Variants in PITRM1 observed in about 807,000 individuals in gnomAD.
PITRM1 encodes pitrilysin metallopeptidase 1.
Under a neutral mutation model 129.9 loss-of-function variants are expected in PITRM1, and 100 were observed. The ratio of observed to expected loss-of-function variants is 0.77; its 90% CI spans 0.65 to 0.91. PITRM1 has a LOEUF of 0.91. Ranked by LOEUF, PITRM1 falls within the 40% of genes least tolerant of loss-of-function variation. The pLI is 0.00. For synonymous variants in PITRM1, 591 were observed against 508.8 expected, an observed-to-expected ratio of 1.16 and a Z score of -2.17; for missense variants, 1,471 against 1,318.3, an observed-to-expected ratio of 1.12 and a Z score of -1.79.
chr10:3,138,032 C>A lies in PITRM1; in HGVS notation c.3113G>T (p.Ter1038LeuextTer18). ...TGTGCAGTCGAGCGCCACGGCTGCT[C>A]ATTGGATGATCCAGGATGGGTCCTT... The part of the protein sequence containing the change: ...IAKDPSWIIQ[*>L] Residue 1038 changes from the stop codon to leucine, a stop_lost, in exon 27 of 27, where the codon TGA becomes TTA. Transcript: ENST00000224949. The A allele has an allele frequency of 6.3e-7, 1 of 1,594,794 alleles. No homozygotes were observed. The highest frequency in any genetic ancestry group is 1.1e-5 in the South Asian group (1 of 88,438).
intron 20 of PITRM1, chr10:3,146,459 C>G (rs943444028): frequency 6.6e-6 from 1 of 152,328 alleles, no homozygotes; most frequent in Non-Finnish European, 1.5e-5. Context: ...CGCCTGGGAG[C>G]GAGTGTGAGT....
At chr10:3,161,991 C>T (rs1588701749) in intron 7 of PITRM1, among the ~76,000 whole-genome samples, 1 of 150,506 alleles carries the variant, frequency 6.6e-6, no homozygotes. Flanking sequence ...GGCAACATGG[C>T]GAGACTCTGT....
intron 25 of PITRM1, 29 bp from the exon 26 acceptor site, chr10:3,138,366 G>A: frequency 6.6e-7 from 1 of 1,515,622 alleles, no homozygotes; most frequent in Non-Finnish European, 9.2e-7. Flanking sequence ...GCACGATGGA[G>A]CCGCTGCCCG....
intron 25 of PITRM1, 127 bp downstream of exon 25, chr10:3,138,777 C>G (rs151060418): frequency 1.1e-6 from 1 of 889,974 alleles, no homozygotes; most frequent in African/African-American, 1.6e-5. Flanking sequence ...ACGTGGAAAT[C>G]GTATCACAAG....
rs554033882 is a variant in PITRM1 at position 3,148,312 on chromosome 10, C to T, written c.1872-21G>A. On this transcript the variant is annotated intron_variant, in intron 16 of 26. Coordinates refer to ENST00000224949, the MANE Select transcript of PITRM1 (RefSeq NM_014889.4). ...CCAGCCTGACACAGCAGAGAAGCAT[C>T]GCCCCGATTACAAGTCAGTCTTTAC... 96 of 1,578,164 alleles carry T rather than the reference C, an allele frequency of 6.1e-5. No homozygotes were observed. In the South Asian group the frequency reaches 9.4e-4, roughly 15 times the overall value.
chr10:3,172,188 T>A (rs553576875), intron 1 of PITRM1: 1 of 456,716 alleles, frequency 2.2e-6, no homozygotes, highest in South Asian at 1.5e-5. Flanking sequence ...TTACCTTATA[T>A]TAAACACGGG....
intron 1 of PITRM1, among the ~76,000 whole-genome samples, chr10:3,171,924 T>A (rs1219896155): frequency 2.6e-5 from 4 of 152,192 alleles, no homozygotes; most frequent in African/African-American, 9.7e-5. Flanking sequence ...CATTAATGTA[T>A]CCCACCGAAA....
chr10:3,166,410 AG>A (rs1300218545), intron 3 of PITRM1, 30 bp from the exon 4 acceptor site: 3 of 264,494 alleles, frequency 1.1e-5, no homozygotes, highest in South Asian at 7.6e-5. Context: ...AGAACGCAAA[AG>A]GTTCAGCTTA....
At chr10:3,168,498 C>A (rs1363788083) in intron 2 of PITRM1, among the ~76,000 whole-genome samples, 1 of 147,268 alleles carries the variant, frequency 6.8e-6, no homozygotes, top group Non-Finnish European at 1.5e-5. Context: ...TTGGCTGTGT[C>A]CCCACCCAAA....
intron 14 of PITRM1, among the ~76,000 whole-genome samples, 172 bp downstream of exon 14, chr10:3,155,419 G>A (rs1005221192): frequency 1.3e-5 from 2 of 152,134 alleles, no homozygotes; most frequent in African/African-American, 2.4e-5. Context: ...TGAGCTACAC[G>A]GGCGATTTTC....
At position 3,138,998 on chromosome 10, in the gene PITRM1, CCAGTCGA is replaced by C. The variant is rs769623831; in HGVS notation, c.2816_2822del (p.Val939GlyfsTer23). On this transcript the variant is annotated frameshift_variant, in exon 25 of 27. Transcript: ENST00000224949. LOFTEE classifies it high-confidence loss of function. ...GCTGTGTGAATTTTCCAGACTTAGC[CCAGTCGA>C]CAGCCTTCCCAAAAGACTGGAGCGT... 13 of 1,613,758 alleles carry C rather than the reference CCAGTCGA, an allele frequency of 8.1e-6. No individual in the cohort carries two copies. Among genetic ancestry groups the C allele is most frequent in the Admixed American group, 1.7e-5 (1 of 60,006 alleles).
Position 3,145,956 on chromosome 10 carries a change from T to C in PITRM1, c.2337-240A>G, listed in dbSNP as rs17136264. 2.6e-5 allele frequency: 13 copies of C among 492,706 alleles called. No homozygotes were observed. The East Asian group carries it at 4.9e-4, about 19-fold the overall frequency. The allele number at this position is 492,706 out of a possible 1,614,324, so 30.5% of individuals were successfully genotyped here. Reference sequence around the variant, plus strand: ...TGAAGCCGTCCATACGCGGAGCCTGTGACTCTAAACTCTAGTTCTTCTGAA... The same window carrying C: ...TGAAGCCGTCCATACGCGGAGCCTGCGACTCTAAACTCTAGTTCTTCTGAA... On this transcript the variant is annotated intron_variant, in intron 20 of 26. Transcript: ENST00000224949.
chr10:3,149,318 A>C, intron 16 of PITRM1: 1 of 238,428 alleles, frequency 4.2e-6, no homozygotes, highest in Non-Finnish European at 8.1e-6. Context: ...GCCACACTGC[A>C]CATCCAATTA....
chr10:3,151,762 G>GTCTGGC (rs1372225182), intron 14 of PITRM1, among the ~76,000 whole-genome samples: 3 of 152,102 alleles, frequency 2.0e-5, no homozygotes, highest in Non-Finnish European at 4.4e-5. Flanking sequence ...TTGAGACAGG[G>GTCTGGC]TCTGGCTCTG....
chr10:3,147,721 C>G lies in PITRM1; in HGVS notation c.2086G>C (p.Glu696Gln), dbSNP rs1469656216. The change falls in exon 19 of 27, where the codon GAG becomes CAG. Residue 696 changes from glutamate (E) to glutamine (Q), a missense_variant. Coordinates refer to ENST00000224949, the MANE Select transcript of PITRM1 (RefSeq NM_014889.4). ...TTCACCAGCACCTTGAAGTGCTCCTCTTCTTCAAAGCACGGGCTATGGAAA... is the reference window on the plus strand; with the variant it reads ...TTCACCAGCACCTTGAAGTGCTCCTGTTCTTCAAAGCACGGGCTATGGAAA... Reference protein sequence around the residue: ...EIFNNPCFEEEEHFKVLVKMT... With the variant: ...EIFNNPCFEEQEHFKVLVKMT... 1 of 1,597,362 alleles carries G rather than the reference C, an allele frequency of 6.3e-7. No individual in the cohort carries two copies. The highest frequency in any genetic ancestry group is 1.4e-5 in the African/African-American group (1 of 74,010).
chr10:3,159,591 T>C (rs1329588306), intron 9 of PITRM1, among the ~76,000 whole-genome samples: 6 of 152,238 alleles, frequency 3.9e-5, no homozygotes, highest in East Asian at 1.9e-4. Flanking sequence ...CTTTTCTCTG[T>C]AGGAATAAAG....
In PITRM1 at chr10:3,137,984, G is replaced by A. The variant is rs530475544; in HGVS notation, c.*47C>T. 3.3e-4 allele frequency: 349 copies of A among 1,061,056 alleles called. 1 individual carries two copies. Among genetic ancestry groups the A allele is most frequent in the Admixed American group, 2.2e-3 (112 of 49,872 alleles). The allele number at this position is 1,061,056 out of a possible 1,614,324, so 65.7% of individuals were successfully genotyped here. On this transcript the variant is annotated 3_prime_UTR_variant, in exon 27 of 27. Transcript: ENST00000224949. Reference sequence around the variant, plus strand: ...ATTTCTGACTTTTCATATTCAGCTCGGAGGTGTATTGTCTCGGGCTCCTGT... The same window carrying A: ...ATTTCTGACTTTTCATATTCAGCTCAGAGGTGTATTGTCTCGGGCTCCTGT...
chr10:3,153,452 C>G (rs570064696), intron 14 of PITRM1, among the ~76,000 whole-genome samples: 1 of 151,990 alleles, frequency 6.6e-6, no homozygotes, highest in Admixed American at 6.6e-5. Flanking sequence ...CTCTAGTCTC[C>G]ACTAAAAATA....
Position 3,149,507 on chromosome 10 carries a change from C to T in PITRM1, c.1871+114G>A, listed in dbSNP as rs1841280448. ...ATATATTGTACACCATACTTACACACTAACATTGTAAGTTGTGATTCACTG... is the reference window on the plus strand; with the variant it reads ...ATATATTGTACACCATACTTACACATTAACATTGTAAGTTGTGATTCACTG... On this transcript the variant is annotated intron_variant, in intron 16 of 26. Transcript: ENST00000224949. 1.2e-5 allele frequency: 13 copies of T among 1,089,746 alleles called. No individual in the cohort carries two copies. In the South Asian group the frequency reaches 1.4e-4, roughly 11 times the overall value. 67.5% of individuals were successfully genotyped at this position (1,089,746 alleles called of 1,614,324 possible).
Sources: gnomAD v4.1 joint callset for allele counts (sites outside exome capture counted in the v4.1 genomes callset) on GRCh38, gnomAD v4.1.1 for gene constraint, MANE v1.5 for transcripts, NCBI Gene and HGNC (gene_info 2026-07-23, HGNC 2026-07-21) for gene names.